The following RFFL variants were observed in gnomAD, a reference collection of about 807,000 sequenced individuals.
RFFL encodes the protein E3 ubiquitin-protein ligase rififylin.
A neutral mutation model predicts 40.4 loss-of-function variants in RFFL; 16 were observed. The observed-to-expected ratio is 0.40, with a 90% CI of 0.27 to 0.60. RFFL has a LOEUF of 0.60. RFFL is among the 20% of genes least tolerant of loss of function. RFFL has a pLI of 0.47. For synonymous variants in RFFL, 154 were observed against 167.9 expected (o/e 0.92, Z 0.64); for missense variants, 367 against 451.7 (o/e 0.81, Z 1.70).
At chr17:35,065,320 C>T (rs947794660), upstream of RFFL, among the ~76,000 whole-genome samples, 5 of 152,098 alleles carry the variant, frequency 3.3e-5, no homozygotes, top group African/African-American at 1.2e-4. Flanking sequence ...CTTTGGAAGG[C>T]CGAGGTGGGC....
intron 2 of RFFL, among the ~76,000 whole-genome samples, chr17:35,023,640 A>G (rs2091022976): frequency 3.9e-5 from 6 of 152,274 alleles, no homozygotes; most frequent in Admixed American, 3.9e-4. Context: ...AAGAGGCTTC[A>G]ATGCCATAAA....
chr17:35,047,297 C>T (rs2091204932), intron 1 of RFFL, among the ~76,000 whole-genome samples: 1 of 152,162 alleles, frequency 6.6e-6, no homozygotes, highest in South Asian at 2.1e-4. Context: ...CAAAATTATG[C>T]AATTTACCTT....
chr17:35,060,870 T>C (rs1275970712), intron 1 of RFFL, among the ~76,000 whole-genome samples: 1 of 151,920 alleles, frequency 6.6e-6, no homozygotes, highest in African/African-American at 2.4e-5. Context: ...CTCAACAGTC[T>C]AGTGGAAGAG....
At chr17:35,069,179 T>C in intron 1 of RFFL, 1 of 452,804 alleles carries the variant, frequency 2.2e-6, no homozygotes, top group Non-Finnish European at 4.5e-6. Context: ...TCTCTTCTCC[T>C]AATACACACA....
chr17:35,060,068 G>C (rs2091282630), intron 1 of RFFL, among the ~76,000 whole-genome samples: 1 of 152,142 alleles, frequency 6.6e-6, no homozygotes, highest in African/African-American at 2.4e-5. Flanking sequence ...AACTGTAAAA[G>C]GTTTTCTGCC....
intron 1 of RFFL, among the ~76,000 whole-genome samples, chr17:35,082,386 T>C (rs929856991): frequency 2.6e-5 from 4 of 152,242 alleles, no homozygotes; most frequent in Non-Finnish European, 5.9e-5. Flanking sequence ...GCTCCTAGCC[T>C]AATCTGGGCT....
At chr17:35,017,969 GT>G (rs923320216) in intron 3 of RFFL, among the ~76,000 whole-genome samples, 11 of 152,076 alleles carry the variant, frequency 7.2e-5, no homozygotes, top group Admixed American at 4.6e-4. Context: ...TGGCATCAAG[GT>G]TTTTCTTGAC....
At chr17:35,081,377 G>A (rs1464540009) in intron 1 of RFFL, among the ~76,000 whole-genome samples, 1 of 152,158 alleles carries the variant, frequency 6.6e-6, no homozygotes, top group Non-Finnish European at 1.5e-5. Context: ...TCACATCACA[G>A]CCTTTCTCCT....
chr17:35,006,213 A>G lies in RFFL; in HGVS notation c.*5755T>C, dbSNP rs1323006615. ...ACTTTTTGCAGCAGTGGAAATATCCATAAATCTGCAGTATCCAACCAAACT... is the reference window on the plus strand; with the variant it reads ...ACTTTTTGCAGCAGTGGAAATATCCGTAAATCTGCAGTATCCAACCAAACT... On this transcript the variant is annotated 3_prime_UTR_variant, in exon 7 of 7. Coordinates refer to ENST00000394597, the MANE Select transcript of RFFL (RefSeq NM_001017368.2). 6.4e-6 allele frequency: 1 copy of G among 155,516 alleles called. No homozygotes were observed. Among genetic ancestry groups the G allele is most frequent in the Non-Finnish European group, 1.4e-5 (1 of 70,210 alleles). The allele number at this position is 155,516 out of a possible 1,614,324, so 9.6% of individuals were successfully genotyped here.
At chr17:35,057,023 C>G (rs1046815798) in intron 1 of RFFL, among the ~76,000 whole-genome samples, 8 of 151,178 alleles carry the variant, frequency 5.3e-5, no homozygotes, top group Non-Finnish European at 8.8e-5. Context: ...TCCAACAATT[C>G]TCCTGCCTCA....
chr17:35,038,409 A>T (rs1394593250), intron 1 of RFFL, among the ~76,000 whole-genome samples: 1 of 152,096 alleles, frequency 6.6e-6, no homozygotes, highest in Non-Finnish European at 1.5e-5. Flanking sequence ...ATACACGCGC[A>T]CCCACATCTC....
chr17:35,074,473 T>C (rs1402821177), intron 1 of RFFL: 1 of 152,142 alleles, frequency 6.6e-6, no homozygotes, highest in Non-Finnish European at 1.5e-5. Flanking sequence ...TAAAGACTTA[T>C]TCAAAAGGTA....
At position 35,021,399 on chromosome 17, in the gene RFFL, G is replaced by T. The variant is rs1342076999; in HGVS notation, c.563C>A (p.Pro188His). The change falls in exon 3 of 7, where the codon CCC (proline) becomes CAC (histidine). Residue 188 changes from proline (P) to histidine (H), a missense_variant. Pro to His is a moderately conservative substitution (Grantham distance 77). Coordinates refer to ENST00000394597, the MANE Select transcript of RFFL (RefSeq NM_001017368.2). ...CTGATTCTCCTGAACCTGGGCTGGG[G>T]GAACAGAGGTGGCTTGTGCAGATGA... is the stretch of plus-strand genomic sequence containing the variant. ...PSSSAQATSV[P>H]PAQVQENQQA... The T allele has an allele frequency of 2.6e-6, 4 of 1,523,356 alleles. No individual in the cohort carries two copies. Among genetic ancestry groups the T allele is most frequent in the African/African-American group, 1.4e-5 (1 of 71,810 alleles). 94.4% of individuals were successfully genotyped at this position (1,523,356 alleles called of 1,614,324 possible).
In RFFL at chr17:35,021,760, T is replaced by C. The variant is rs748087054; in HGVS notation, c.202A>G (p.Lys68Glu). The C allele has an allele frequency of 1.3e-5, 21 of 1,614,214 alleles. No individual in the cohort carries two copies. Among genetic ancestry groups the C allele is most frequent in the Non-Finnish European group, 1.5e-5 (18 of 1,180,040 alleles). The change falls in exon 3 of 7, where the codon AAA becomes GAA. Residue 68 changes from lysine to glutamate, a missense_variant. By Grantham distance (56) the Lys-to-Glu change is moderately conservative. Transcript: ENST00000394597. ...ARKQTCLDCKKNFCMTCSSQV... is the reference protein window; with the variant it reads ...ARKQTCLDCKENFCMTCSSQV... ...CTCGAACAGGTCATGCAAAAATTTTTCTTACAGTCCAAGCAGGTCTGCTGC... is the reference window on the plus strand; with the variant it reads ...CTCGAACAGGTCATGCAAAAATTTTCCTTACAGTCCAAGCAGGTCTGCTGC...
chr17:35,019,378 G>GT (rs1484280391), intron 3 of RFFL, among the ~76,000 whole-genome samples: 1 of 151,902 alleles, frequency 6.6e-6, no homozygotes, highest in Non-Finnish European at 1.5e-5. Flanking sequence ...AGTTTGCTTG[G>GT]TTTTTTGTTT....
chr17:35,066,953 C>G (rs2091323620), upstream of RFFL, among the ~76,000 whole-genome samples: 1 of 150,568 alleles, frequency 6.6e-6, no homozygotes. Context: ...TAATAAATCA[C>G]AGAAATTAAA....
At chr17:35,089,048 T>C (rs946657091) in intron 1 of RFFL, 21 of 153,390 alleles carry the variant, frequency 1.4e-4, no homozygotes, top group Middle Eastern at 6.7e-3. Context: ...CCCCTTCCCG[T>C]CCTTCCCCAG....
chr17:35,080,028 C>A (rs1177945666), intron 1 of RFFL, among the ~76,000 whole-genome samples: 7 of 152,148 alleles, frequency 4.6e-5, no homozygotes, highest in Non-Finnish European at 1.0e-4. Context: ...CCTAACTATT[C>A]CTTTCCACCC....
intron 1 of RFFL, among the ~76,000 whole-genome samples, chr17:35,027,079 G>A (rs921752273): frequency 3.9e-5 from 6 of 152,118 alleles, no homozygotes; most frequent in African/African-American, 1.4e-4. Flanking sequence ...CCAATATATA[G>A]AGAGCTAATA....
Sources: allele counts gnomAD v4.1 joint callset (sites outside exome capture counted in the v4.1 genomes callset), GRCh38; gene constraint gnomAD v4.1.1; transcripts MANE v1.5; gene names NCBI Gene and HGNC (gene_info 2026-07-23, HGNC 2026-07-21).